The following SVBP variants were observed in gnomAD, a reference collection of about 807,000 sequenced individuals.
The protein encoded by SVBP is small vasohibin-binding protein.
SVBP carries 9 observed loss-of-function variants against 9.2 expected under a neutral mutation model. The observed-to-expected ratio is 0.98, with a 90% CI of 0.59 to 1.71. SVBP has a LOEUF of 1.71. Ranked by LOEUF, SVBP falls within the 40% of genes most tolerant of loss-of-function variation. The pLI is 0.00. For missense variants in SVBP, 63 were observed against 73.2 expected, an observed-to-expected ratio of 0.86 and a Z score of 0.51; for synonymous variants, 27 against 23.9, an observed-to-expected ratio of 1.13 and a Z score of -0.37.
Position 42,811,347 on chromosome 1 carries a change from A to G in SVBP, c.115-3847T>C, listed in dbSNP as rs147349319. Reference sequence around the variant, plus strand: ...GCCATATATTTTACATATCGGATTAACCAAGGTTAAATGGGAGTCACAATA... The same window carrying G: ...GCCATATATTTTACATATCGGATTAGCCAAGGTTAAATGGGAGTCACAATA... On this transcript the variant is annotated intron_variant, in intron 2 of 2. Transcript: ENST00000372521. Among the ~76,000 whole-genome samples, 881 of 152,348 alleles carry G rather than the reference A, an allele frequency of 5.8e-3. 1 individual carries two copies. Among genetic ancestry groups the G allele is most frequent in the Non-Finnish European group, 0.01 (697 of 68,028 alleles).
At chr1:42,812,334 G>A (rs1168140634) in intron 2 of SVBP, among the ~76,000 whole-genome samples, 9 of 152,220 alleles carry the variant, frequency 5.9e-5, no homozygotes, top group Non-Finnish European at 1.3e-4. Flanking sequence ...CATGCAGAGC[G>A]AGGACTTCCA....
intron 1 of SVBP, 192 bp from the exon 2 acceptor site, chr1:42,816,772 G>A (rs910558316): frequency 2.4e-5 from 12 of 502,962 alleles, no homozygotes; most frequent in Non-Finnish European, 4.2e-5. Flanking sequence ...GTGTCCCTGG[G>A]CAAGTCTCCT....
At chr1:42,807,556 C>T in intron 2 of SVBP, 56 bp from the exon 3 acceptor site, 1 of 1,338,262 alleles carries the variant, frequency 7.5e-7, no homozygotes, top group Non-Finnish European at 1.1e-6. Flanking sequence ...CACAAAGCAT[C>T]TTCTGACATA....
chr1:42,812,895 A>C (rs1253579590), intron 2 of SVBP, among the ~76,000 whole-genome samples: 1 of 152,180 alleles, frequency 6.6e-6, no homozygotes, highest in African/African-American at 2.4e-5. Flanking sequence ...AACAGGCTTA[A>C]ACTTTTCCCT....
chr1:42,813,337 C>A, intron 2 of SVBP: 1 of 327,298 alleles, frequency 3.1e-6, no homozygotes. Flanking sequence ...TAAATTTTGA[C>A]GTTGGTTCTT....
chr1:42,810,379 C>G (rs1654058947), intron 2 of SVBP, among the ~76,000 whole-genome samples: 1 of 152,098 alleles, frequency 6.6e-6, no homozygotes, highest in Non-Finnish European at 1.5e-5. Context: ...ATCTCCTGAC[C>G]TCGTGATCTG....
In SVBP at chr1:42,810,113, C is replaced by CACAT. The variant is rs1175908748; in HGVS notation, c.115-2617_115-2614dup. 3.7e-5 allele frequency among the ~76,000 whole-genome samples: 5 copies of CACAT among 135,670 alleles called. No individual in the cohort carries two copies. In the East Asian group the frequency reaches 6.3e-4, roughly 17 times the overall value. The allele number at this position is 135,670 out of a possible 152,430, so 89.0% of individuals were successfully genotyped here. ...TACTTTTAACACACACACACACACACACATACATACATACACACACACACA... is the reference window on the plus strand; with the variant it reads ...TACTTTTAACACACACACACACACACACATACATACATACATACACACACACACA... On this transcript the variant is annotated intron_variant, in intron 2 of 2. Coordinates refer to ENST00000372521, the MANE Select transcript of SVBP (RefSeq NM_199342.4).
At chr1:42,812,514 G>C (rs1654103286) in intron 2 of SVBP, among the ~76,000 whole-genome samples, 1 of 152,062 alleles carries the variant, frequency 6.6e-6, no homozygotes, top group Non-Finnish European at 1.5e-5. Flanking sequence ...CCATCACTGG[G>C]GACAGTAGCA....
At chr1:42,807,649 T>C in intron 2 of SVBP, 149 bp from the exon 3 acceptor site, 1 of 610,330 alleles carries the variant, frequency 1.6e-6, no homozygotes, top group South Asian at 2.0e-5. Flanking sequence ...GAAAGTTAGA[T>C]ATTAGTTCCA....
chr1:42,807,509 G>A lies in SVBP; in HGVS notation c.115-9C>T, dbSNP rs1557597145. ...CTGTTGAGGGCATAGATCTGAATGA[G>A]AGAAAGAGATACATCTGTTAGCAAT... On this transcript the variant is annotated splice_polypyrimidine_tract_variant and intron_variant, in intron 2 of 2. Coordinates refer to ENST00000372521, the MANE Select transcript of SVBP (RefSeq NM_199342.4). The A allele has an allele frequency of 6.2e-7, 1 of 1,605,428 alleles. No individual in the cohort carries two copies. The highest frequency in any genetic ancestry group is 1.7e-5 in the Admixed American group (1 of 59,962).
intron 2 of SVBP, among the ~76,000 whole-genome samples, chr1:42,815,868 TAAAC>T (rs1654191387): frequency 6.6e-6 from 1 of 152,110 alleles, no homozygotes; most frequent in African/African-American, 2.4e-5. Flanking sequence ...AGCAGACAGA[TAAAC>T]AAAACAAAGA....
At chr1:42,808,396 T>G (rs1033955287) in intron 2 of SVBP, among the ~76,000 whole-genome samples, 11 of 144,696 alleles carry the variant, frequency 7.6e-5, no homozygotes, top group Middle Eastern at 3.6e-3. Flanking sequence ...AGGCTATATA[T>G]AGTATATAAG....
chr1:42,808,398 G>A (rs1654012869), intron 2 of SVBP, among the ~76,000 whole-genome samples: 1 of 140,410 alleles, frequency 7.1e-6, no homozygotes, highest in Non-Finnish European at 1.5e-5. Context: ...GCTATATATA[G>A]TATATAAGCT....
intron 2 of SVBP, among the ~76,000 whole-genome samples, chr1:42,808,133 TAGTGTGTGTGTG>T (rs1557597319): frequency 1.3e-5 from 1 of 75,630 alleles, no homozygotes; most frequent in Non-Finnish European, 2.4e-5. Flanking sequence ...AATGTGAATA[TAGTGTGTGTGTG>T]TGTGTATATA....
At chr1:42,815,495 G>A (rs370822127) in intron 2 of SVBP, among the ~76,000 whole-genome samples, 3 of 151,618 alleles carry the variant, frequency 2.0e-5, no homozygotes, top group Admixed American at 6.6e-5. Flanking sequence ...TCTAAGGCAG[G>A]TGCCAAAGGA....
intron 2 of SVBP, chr1:42,809,175 A>T (rs1222434013): frequency 8.5e-5 from 13 of 152,162 alleles, no homozygotes; most frequent in Admixed American, 8.5e-4. Flanking sequence ...CTTTATTCTT[A>T]ATTAATCCAC....
At chr1:42,810,458 A>G (rs1654061553) in intron 2 of SVBP, among the ~76,000 whole-genome samples, 4 of 152,012 alleles carry the variant, frequency 2.6e-5, no homozygotes, top group Non-Finnish European at 5.9e-5. Flanking sequence ...ACATATATAC[A>G]TATATATTTG....
At chr1:42,808,365 T>C (rs970877242) in intron 2 of SVBP, among the ~76,000 whole-genome samples, 1 of 144,912 alleles carries the variant, frequency 6.9e-6, no homozygotes, top group Non-Finnish European at 1.5e-5. Context: ...AATAATGGTA[T>C]ATATACTATA....
At chr1:42,815,336 G>A (rs962805942) in intron 2 of SVBP, among the ~76,000 whole-genome samples, 29 of 151,402 alleles carry the variant, frequency 1.9e-4, no homozygotes, top group Non-Finnish European at 2.8e-4. Context: ...CCTGCATGTT[G>A]TGCACAGGTA....
Sources: gnomAD v4.1 joint callset for allele counts (sites outside exome capture counted in the v4.1 genomes callset) on GRCh38, gnomAD v4.1.1 for gene constraint, MANE v1.5 for transcripts, NCBI Gene and HGNC (gene_info 2026-07-23, HGNC 2026-07-21) for gene names.